The following FLII variants were observed in gnomAD, a reference collection of about 807,000 sequenced individuals.
FLII encodes the protein protein flightless-1 homolog.
A neutral mutation model predicts 156.2 loss-of-function variants in FLII; 101 were observed. The ratio of observed to expected loss-of-function variants is 0.65; its 90% CI spans 0.55 to 0.76. FLII has a LOEUF of 0.76. Among genes scored for constraint, FLII ranks in the 30% least tolerant of loss-of-function variants. The pLI is 0.00. For missense variants in FLII, 1,675 were observed against 1,682.8 expected, an observed-to-expected ratio of 1.00 and a Z score of 0.08; for synonymous variants, 767 against 685.8, an observed-to-expected ratio of 1.12 and a Z score of -1.85.
chr17:18,248,707 T>C lies in FLII; in HGVS notation c.2033A>G (p.Lys678Arg). The change falls in exon 18 of 30, where the codon AAA (lysine) becomes AGA (arginine). Residue 678 changes from lysine (K) to arginine (R), a missense_variant. Around this residue, in one of 2 missense-constraint regions of FLII, gnomAD observed 1,332 missense variants for 1,269.3 expected, o/e 1.05. Transcript: ENST00000327031. Reference protein sequence around the residue: ...STTKARLFAEKINKNERKGKA... With the variant: ...STTKARLFAERINKNERKGKA... ...CCCTTTCCGCTCATTCTTGTTAATT[T>C]TCTCTGCAAAGAGCCTGAGAGCAGG... 1 of 1,613,708 alleles carries C rather than the reference T, an allele frequency of 6.2e-7. No individual in the cohort carries two copies. Among genetic ancestry groups the C allele is most frequent in the Non-Finnish European group, 8.5e-7 (1 of 1,179,632 alleles).
In FLII at chr17:18,245,924, G is replaced by A. The variant is rs370490464; in HGVS notation, c.3396+10C>T. The A allele has an allele frequency of 1.3e-5, 21 of 1,613,908 alleles. No individual in the cohort carries two copies. Among genetic ancestry groups the A allele is most frequent in the African/African-American group, 9.3e-5 (7 of 74,978 alleles). ...TCTGTGTGTGCCCGCCTGCCCGCCC[G>A]CCTCCTGACCTGCTTGCTGTAGGAG... On this transcript the variant is annotated intron_variant, in intron 26 of 29. Coordinates refer to ENST00000327031, the MANE Select transcript of FLII (RefSeq NM_002018.4).
intron 8 of FLII, 26 bp from the exon 9 acceptor site, chr17:18,253,484 G>C (rs779266937): frequency 2.0e-5 from 33 of 1,613,668 alleles, no homozygotes; most frequent in Non-Finnish European, 2.6e-5. Flanking sequence ...GCAGGGGTGG[G>C]AGGTCAGGGC....
chr17:18,246,835 G>C lies in FLII; in HGVS notation c.2817-7C>G. 1.2e-6 allele frequency: 2 copies of C among 1,613,802 alleles called. No individual in the cohort carries two copies. Among genetic ancestry groups the C allele is most frequent in the Non-Finnish European group, 1.7e-6 (2 of 1,179,724 alleles). On this transcript the variant is annotated splice_polypyrimidine_tract_variant and splice_region_variant and intron_variant, in intron 22 of 29. Transcript: ENST00000327031. Reference sequence around the variant, plus strand: ...CTCCACAGGCACCCAGTACCTGCCGGGTTGGAAGGTTGTGAGCAGGGGCTC... The same window carrying C: ...CTCCACAGGCACCCAGTACCTGCCGCGTTGGAAGGTTGTGAGCAGGGGCTC...
intron 21 of FLII, 47 bp downstream of exon 21, chr17:18,247,122 T>TGGGGGGGGGGGC: frequency 2.0e-6 from 2 of 1,011,418 alleles, no homozygotes; most frequent in Non-Finnish European, 2.7e-6. Flanking sequence ...GCCCTCGGCC[T>TGGGGGGGGGGGC]GCCCCCCACC....
rs769865505 is a variant in FLII at position 18,247,362 on chromosome 17, C to T, written c.2488-5G>A. The T allele has an allele frequency of 2.5e-6, 4 of 1,595,762 alleles. No individual in the cohort carries two copies. The highest frequency in any genetic ancestry group is 3.6e-5 in the Admixed American group (2 of 55,266). ...CTTGAACTTGGCCTTGAACACCTGCCAGGGAGGCCATCAACTAACCATGAG... is the reference window on the plus strand; with the variant it reads ...CTTGAACTTGGCCTTGAACACCTGCTAGGGAGGCCATCAACTAACCATGAG... On this transcript the variant is annotated splice_polypyrimidine_tract_variant and splice_region_variant and intron_variant, in intron 20 of 29. Transcript: ENST00000327031.
intron 14 of FLII, 88 bp from the exon 15 acceptor site, chr17:18,249,496 T>A: frequency 1.1e-6 from 1 of 951,594 alleles, no homozygotes; most frequent in South Asian, 1.4e-5. Flanking sequence ...CAGAGTTGCA[T>A]ACAGGTGAAT....
At chr17:18,257,268 G>A in intron 1 of FLII, 1 of 483,386 alleles carries the variant, frequency 2.1e-6, no homozygotes, top group South Asian at 2.9e-5. Flanking sequence ...GGAGGGCCAG[G>A]ACAAAACTGG....
rs755221789 is a variant in FLII, at chr17:18,251,477, C to G, written c.1384G>C (p.Glu462Gln). Residue 462 changes from glutamate to glutamine, a missense_variant and splice_region_variant, in exon 13 of 30, where the codon GAG becomes CAG. This residue lies in a region of FLII where 1,332 missense variants were observed against 1,269.3 expected (regional missense o/e 1.05). Transcript: ENST00000327031. ...VAQEKNKKQEESADARAPSGK... is the reference protein window; with the variant it reads ...VAQEKNKKQEQSADARAPSGK... Reference sequence around the variant, plus strand: ...CTGGGGGCCCGGGCATCTGCGCTCTCCTGGGGGCAGAGTCACAGAGCACGG... The same window carrying G: ...CTGGGGGCCCGGGCATCTGCGCTCTGCTGGGGGCAGAGTCACAGAGCACGG... 210 of 1,601,412 alleles carry G rather than the reference C, an allele frequency of 1.3e-4. No homozygotes were observed. Among genetic ancestry groups the G allele is most frequent in the Middle Eastern group, 3.3e-4 (2 of 6,002 alleles).
chr17:18,244,981 C>G lies in FLII; in HGVS notation c.*157G>C. The stretch of plus-strand genomic sequence containing the variant: ...TTCCCAGACCCCTGAGGGCACCTGT[C>G]AGGGTCATCCCCATTGGTGCTGCTT... On this transcript the variant is annotated 3_prime_UTR_variant, in exon 30 of 30. Coordinates refer to ENST00000327031, the MANE Select transcript of FLII (RefSeq NM_002018.4). The G allele has an allele frequency of 1.2e-6, 1 of 804,402 alleles. No homozygotes were observed. Among genetic ancestry groups the G allele is most frequent in the African/African-American group, 1.7e-5 (1 of 58,522 alleles). The allele number at this position is 804,402 out of a possible 1,614,324, so 49.8% of individuals were successfully genotyped here. A position where few individuals can be genotyped will look rare whatever the true frequency, so the allele number is the denominator to read the frequency against.
rs766286847 is a variant in FLII, at chr17:18,246,143, C to T, written c.3267+19G>A. ...CACCCCTTGGTCCACGGAGTCCTGGCTCACACCCACAACCCCACCTTGAGG... is the reference window on the plus strand; with the variant it reads ...CACCCCTTGGTCCACGGAGTCCTGGTTCACACCCACAACCCCACCTTGAGG... On this transcript the variant is annotated intron_variant, in intron 25 of 29. Transcript: ENST00000327031. 3.7e-6 allele frequency: 6 copies of T among 1,614,148 alleles called. No individual in the cohort carries two copies. In the East Asian group the frequency reaches 8.9e-5, roughly 24 times the overall value.
At chr17:18,249,097 G>A in intron 16 of FLII, 30 bp downstream of exon 16, 1 of 1,594,172 alleles carries the variant, frequency 6.3e-7, no homozygotes. Flanking sequence ...TGAGGATGAA[G>A]CACCCCCACC....
chr17:18,253,925 G>C (rs192669703), intron 7 of FLII, 154 bp downstream of exon 7: 1 of 743,976 alleles, frequency 1.3e-6, no homozygotes, highest in African/African-American at 1.8e-5. Flanking sequence ...TCAGTGTTAA[G>C]GCATCATCAT....
rs1266208119 is a variant in FLII at position 18,258,392 on chromosome 17, G to A, written c.63+236C>T. 3 of 1,228,730 alleles carry A rather than the reference G, an allele frequency of 2.4e-6. No individual in the cohort carries two copies. The highest frequency in any genetic ancestry group is 3.0e-5 in the East Asian group (1 of 33,580). 76.1% of individuals were successfully genotyped at this position (1,228,730 alleles called of 1,614,324 possible). ...GGGGCTCCCGGCCGGGCCCCCGGCG[G>A]GACTCCGAGCCCAAGCGTCCGTCCC... is the stretch of plus-strand genomic sequence containing the variant. On this transcript the variant is annotated intron_variant, in intron 1 of 29. Transcript: ENST00000327031. The surrounding 1 kb of genome is among the most constrained non-coding windows in gnomAD (Gnocchi z 4.2).
intron 21 of FLII, 46 bp downstream of exon 21, chr17:18,247,123 G>GGGC: frequency 3.2e-6 from 4 of 1,249,034 alleles, no homozygotes; most frequent in Non-Finnish European, 4.1e-6. Flanking sequence ...CCCTCGGCCT[G>GGGC]CCCCCCACCC....
At chr17:18,247,412 G>A in intron 20 of FLII, 55 bp from the exon 21 acceptor site, 9 of 1,505,758 alleles carry the variant, frequency 6.0e-6, no homozygotes, top group Middle Eastern at 1.8e-4. Context: ...TAGAGTTGGA[G>A]GAAGTAGCCC....
chr17:18,257,346 T>G, intron 1 of FLII: 1 of 291,380 alleles, frequency 3.4e-6, no homozygotes. Context: ...TCACCTAGCA[T>G]TCCACACTCT....
Position 18,248,870 on chromosome 17 carries a change from G to C in FLII, c.1948C>G (p.Leu650Val), listed in dbSNP as rs1367987619. 8 of 1,613,782 alleles carry C rather than the reference G, an allele frequency of 5.0e-6. No homozygotes were observed. The highest frequency in any genetic ancestry group is 4.5e-5 in the East Asian group (2 of 44,888). ...TSLDPRFVFL[L>V]DRGLDIYVWR... ...ACGTAGATGTCTAGCCCTCGGTCCA[G>C]CAGGAAAACAAACCTGGACAAGAAG... is the stretch of plus-strand genomic sequence containing the variant. The change falls in exon 17 of 30, where the codon CTG becomes GTG. Residue 650 changes from leucine (L) to valine (V), a missense_variant. Transcript: ENST00000327031.
chr17:18,247,376 A>G lies in FLII; in HGVS notation c.2488-19T>C, dbSNP rs540427625. 5 of 1,589,204 alleles carry G rather than the reference A, an allele frequency of 3.1e-6. No homozygotes were observed. Among genetic ancestry groups the G allele is most frequent in the Middle Eastern group, 1.7e-4 (1 of 5,908 alleles). On this transcript the variant is annotated intron_variant, in intron 20 of 29. Coordinates refer to ENST00000327031, the MANE Select transcript of FLII (RefSeq NM_002018.4). ...TGAACACCTGCCAGGGAGGCCATCAACTAACCATGAGGGGTGCGGCATGAT... is the reference window on the plus strand; with the variant it reads ...TGAACACCTGCCAGGGAGGCCATCAGCTAACCATGAGGGGTGCGGCATGAT...
chr17:18,258,898 C>T (rs1006846186), upstream of FLII: 1 of 278,116 alleles, frequency 3.6e-6, no homozygotes, highest in Non-Finnish European at 6.6e-6. The surrounding 1 kb of genome is among the most constrained non-coding windows in gnomAD (Gnocchi z 4.2). Flanking sequence ...GGAGTGCGGG[C>T]CCCCCCTGTG....
Sources: gnomAD v4.1 joint callset for allele counts on GRCh38, gnomAD v4.1.1 for gene constraint, gnomAD v4.1.1 regional missense constraint, Gnocchi (gnomAD v3.1) non-coding constraint, MANE v1.5 for transcripts, NCBI Gene and HGNC (gene_info 2026-07-23, HGNC 2026-07-21) for gene names.